TRIM47: variants seen among roughly 807,000 people sequenced by gnomAD.
The protein encoded by TRIM47 is E3 ubiquitin-protein ligase TRIM47.
TRIM47 carries 46 observed loss-of-function variants against 54.4 expected under a neutral mutation model. That is an observed-to-expected ratio of 0.84 (90% CI 0.67 to 1.08). The LOEUF (loss-of-function observed/expected upper bound fraction) is 1.08, where lower values mean the gene tolerates loss of function less well. Among genes scored for constraint, TRIM47 ranks in the 50% least tolerant of loss-of-function variants. The probability of loss-of-function intolerance (pLI) is 0.00; values close to 1 mark genes in which losing one functional copy is unlikely to be tolerated. For synonymous variants in TRIM47, 392 were observed against 410.2 expected, an observed-to-expected ratio of 0.96 and a Z score of 0.54; for missense variants, 825 against 910.1, an observed-to-expected ratio of 0.91 and a Z score of 1.20.
Position 75,874,227 on chromosome 17 carries a change from A to C in TRIM47, c.*256T>G. Reference sequence around the variant, plus strand: ...CAGACACTATTCTAGAAACCTGGGAAAGGAGGGGTTAGGGTAGCTTGGAGC... The same window carrying C: ...CAGACACTATTCTAGAAACCTGGGACAGGAGGGGTTAGGGTAGCTTGGAGC... On this transcript the variant is annotated 3_prime_UTR_variant, in exon 6 of 6. Transcript: ENST00000254816. The surrounding 1 kb of genome is among the most constrained non-coding windows in gnomAD (Gnocchi z 6.2). The C allele has an allele frequency of 2.7e-6, 1 of 375,518 alleles. No homozygotes were observed. 23.3% of individuals were successfully genotyped at this position (375,518 alleles called of 1,614,324 possible).
Position 75,876,337 on chromosome 17 carries a change from T to C in TRIM47, c.927A>G (p.Glu309=), listed in dbSNP as rs758168822. The change falls in exon 3 of 6, where the codon GAA becomes GAG. Residue 309 remains glutamate, a synonymous_variant. Transcript: ENST00000254816. ...GGGCTCGGCTCAGGCGGCTGCGCTG[T>C]TCCTCCTGTCGCCGCAGGTCACCCT... is the stretch of plus-strand genomic sequence containing the variant. ...RSQGDLRRQE[E]QRSRLSRARQ... The C allele has an allele frequency of 1.9e-6, 3 of 1,611,640 alleles. No individual in the cohort carries two copies. The highest frequency in any genetic ancestry group is 1.7e-6 in the Non-Finnish European group (2 of 1,179,964).
Position 75,878,284 on chromosome 17 carries a change from G to T in TRIM47, c.265C>A (p.Pro89Thr). 7.9e-6 allele frequency: 10 copies of T among 1,266,272 alleles called. No individual in the cohort carries two copies. Among genetic ancestry groups the T allele is most frequent in the African/African-American group, 3.1e-5 (2 of 64,436 alleles). The allele number at this position is 1,266,272 out of a possible 1,614,324, so 78.4% of individuals were successfully genotyped here. The change falls in exon 1 of 6, where the codon CCC (proline) becomes ACC (threonine). Residue 89 changes from proline (P) to threonine (T), a missense_variant. Transcript: ENST00000254816. ...LRQGSGPGSGPGPAPALAPEP... is the reference protein window; with the variant it reads ...LRQGSGPGSGTGPAPALAPEP... Reference sequence around the variant, plus strand: ...GGGGCCAGGGCAGGGGCCGGGCCGGGGCCGGACCCGGGGCCCGAGCCCTGG... The same window carrying T: ...GGGGCCAGGGCAGGGGCCGGGCCGGTGCCGGACCCGGGGCCCGAGCCCTGG...
rs374357476 is a variant in TRIM47, at chr17:75,875,423, G to A, written c.1253C>T (p.Ala418Val). The change falls in exon 5 of 6, where the codon GCT becomes GTT. Residue 418 changes from alanine (A) to valine (V), a missense_variant. Physicochemically the swap from Ala to Val is moderately conservative, Grantham distance 64. Transcript: ENST00000254816. The surrounding 1 kb of genome is among the most constrained non-coding windows in gnomAD (Gnocchi z 6.1). ...ACACTTGAGGAAATAGTCCCTGGGA[G>A]CTTCACTCTCCAAGAGGTTCGTACT... ...LESTNLLESE[A>V]PRDYFLKFAY... 1.9e-6 allele frequency: 3 copies of A among 1,613,984 alleles called. No homozygotes were observed. Among genetic ancestry groups the A allele is most frequent in the Non-Finnish European group, 2.5e-6 (3 of 1,180,010 alleles).
At position 75,875,310 on chromosome 17, in the gene TRIM47, TA is replaced by T; in HGVS notation, c.1276+89del. 6.7e-7 allele frequency: 1 copy of T among 1,487,288 alleles called. No individual in the cohort carries two copies. Among genetic ancestry groups the T allele is most frequent in the Non-Finnish European group, 9.3e-7 (1 of 1,070,434 alleles). 92.1% of individuals were successfully genotyped at this position (1,487,288 alleles called of 1,614,324 possible). A position where few individuals can be genotyped will look rare whatever the true frequency, so the allele number is the denominator to read the frequency against. On this transcript the variant is annotated intron_variant, in intron 5 of 5. Transcript: ENST00000254816. This position sits in a 1 kb window ranked among gnomAD's most constrained non-coding sequence, Gnocchi z 6.1. ...CCCCACAAACTGGGGAGAGGAATCC[TA>T]ACCCTTGTGTGCCAGGGCCCTGCTG...
At position 75,874,754 on chromosome 17, in the gene TRIM47, C is replaced by G. The variant is rs1343420032; in HGVS notation, c.1646G>C (p.Gly549Ala). 7 of 1,614,036 alleles carry G rather than the reference C, an allele frequency of 4.3e-6. No individual in the cohort carries two copies. The change falls in exon 6 of 6, where the codon GGG (glycine) becomes GCG (alanine). Residue 549 changes from glycine to alanine, a missense_variant. Coordinates refer to ENST00000254816, the MANE Select transcript of TRIM47 (RefSeq NM_033452.3). The surrounding 1 kb of genome is among the most constrained non-coding windows in gnomAD (Gnocchi z 6.2). ...PLPHPFSPTV[G>A]VCLEYADRAL... ...ACGGTCAGCGTATTCCAGGCAGACC[C>G]CAACCGTGGGCGAGAAGGGGTGGGG...
chr17:75,876,390 C>A lies in TRIM47; in HGVS notation c.874G>T (p.Gly292Trp), dbSNP rs752976622. 6.2e-7 allele frequency: 1 copy of A among 1,612,390 alleles called. No homozygotes were observed. The highest frequency in any genetic ancestry group is 1.7e-4 in the Middle Eastern group (1 of 6,060). Residue 292 changes from glycine (G) to tryptophan (W), a missense_variant, in exon 3 of 6, where the codon GGG (glycine) becomes TGG (tryptophan). Transcript: ENST00000254816. ...GAGCGGCCTAGCATGGCAGCTTCCC[C>A]CTCCTCGATGAAGCCCAGCACCTGG... ...QTQVLGFIEEGEAAMLGRSQG... is the reference protein window; with the variant it reads ...QTQVLGFIEEWEAAMLGRSQG...
At chr17:75,877,030 T>A (rs937625945) in intron 1 of TRIM47, 9 of 575,452 alleles carry the variant, frequency 1.6e-5, no homozygotes, top group East Asian at 1.1e-4. Context: ...GCAGGCTGAC[T>A]GGGTGTCTGC....
chr17:75,876,639 AG>A, intron 2 of TRIM47, 78 bp downstream of exon 2: 1 of 1,566,884 alleles, frequency 6.4e-7, no homozygotes, highest in Non-Finnish European at 8.7e-7. Flanking sequence ...GGGCCAGGTC[AG>A]GGGACACTTG....
Position 75,876,347 on chromosome 17 carries a change from C to G in TRIM47, c.917G>C (p.Arg306Pro), listed in dbSNP as rs944201073. Residue 306 changes from arginine (R) to proline (P), a missense_variant, in exon 3 of 6, where the codon CGA (arginine) becomes CCA (proline). Physicochemically the swap from Arg to Pro is moderately radical, Grantham distance 103 (BLOSUM62 -2). Coordinates refer to ENST00000254816, the MANE Select transcript of TRIM47 (RefSeq NM_033452.3). ...CAGGCGGCTGCGCTGTTCCTCCTGT[C>G]GCCGCAGGTCACCCTGGGAGCGGCC... ...MLGRSQGDLR[R>P]QEEQRSRLSR... The G allele has an allele frequency of 1.2e-6, 2 of 1,611,806 alleles. No individual in the cohort carries two copies. Among genetic ancestry groups the G allele is most frequent in the African/African-American group, 1.3e-5 (1 of 74,926 alleles).
In TRIM47 at chr17:75,874,342, T is replaced by G; in HGVS notation, c.*141A>C. 4 of 715,420 alleles carry G rather than the reference T, an allele frequency of 5.6e-6. No individual in the cohort carries two copies. Among genetic ancestry groups the G allele is most frequent in the Non-Finnish European group, 2.1e-6 (1 of 474,046 alleles). The allele number at this position is 715,420 out of a possible 1,614,324, so 44.3% of individuals were successfully genotyped here. On this transcript the variant is annotated 3_prime_UTR_variant, in exon 6 of 6. Coordinates refer to ENST00000254816, the MANE Select transcript of TRIM47 (RefSeq NM_033452.3). This position sits in a 1 kb window ranked among gnomAD's most constrained non-coding sequence, Gnocchi z 6.2. Reference sequence around the variant, plus strand: ...CCTGCCTGGGAGAGGGAAGGCTGAGTGTATAAAAAGGTGGAAGCCTCTAGA... The same window carrying G: ...CCTGCCTGGGAGAGGGAAGGCTGAGGGTATAAAAAGGTGGAAGCCTCTAGA...
In TRIM47 at chr17:75,874,710, C is replaced by T. The variant is rs1282575619; in HGVS notation, c.1690G>A (p.Val564Ile). Residue 564 changes from valine to isoleucine, a missense_variant, in exon 6 of 6, where the codon GTA (valine) becomes ATA (isoleucine). Coordinates refer to ENST00000254816, the MANE Select transcript of TRIM47 (RefSeq NM_033452.3). This position sits in a 1 kb window ranked among gnomAD's most constrained non-coding sequence, Gnocchi z 6.2. ...YADRALAFYA[V>I]RDGKMSLLRR... ...AGGAGGCTCATCTTGCCGTCCCGTA[C>T]AGCATAGAAGGCCAAGGCACGGTCA... 1 of 1,613,950 alleles carries T rather than the reference C, an allele frequency of 6.2e-7. No individual in the cohort carries two copies. The highest frequency in any genetic ancestry group is 1.3e-5 in the African/African-American group (1 of 75,056).
At position 75,876,473 on chromosome 17, in the gene TRIM47, C is replaced by G. The variant is rs374280134; in HGVS notation, c.791G>C (p.Arg264Pro). 6.2e-7 allele frequency: 1 copy of G among 1,606,946 alleles called. No homozygotes were observed. The highest frequency in any genetic ancestry group is 8.5e-7 in the Non-Finnish European group (1 of 1,178,764). ...ALIKSAAVAE[R>P]ERVSRLFADA... is the part of the protein sequence containing the mutation. ...TGCAAACAGCCGGCTCACCCTCTCC[C>G]GCTCTGCTACGGCTGCACTCTGCAC... The change falls in exon 3 of 6, where the codon CGG becomes CCG. Residue 264 changes from arginine to proline, a missense_variant. Physicochemically the swap from Arg to Pro is moderately radical, Grantham distance 103. Coordinates refer to ENST00000254816, the MANE Select transcript of TRIM47 (RefSeq NM_033452.3).
rs559583882 is a variant in TRIM47 at position 75,874,501 on chromosome 17, G to A, written c.1899C>T (p.Ser633=). 7 of 1,508,124 alleles carry A rather than the reference G, an allele frequency of 4.6e-6. No homozygotes were observed. The Admixed American group carries it at 6.9e-5, about 15-fold the overall frequency. 93.4% of individuals were successfully genotyped at this position (1,508,124 alleles called of 1,614,324 possible). ...QIGPLKKSCI[S]VLKRR Reference sequence around the variant, plus strand: ...CCCGGCATCACCTCCTCTTCAGCACGGATATGCAGGACTTCTTGAGGGGCC... The same window carrying A: ...CCCGGCATCACCTCCTCTTCAGCACAGATATGCAGGACTTCTTGAGGGGCC... Residue 633 remains serine (S), a synonymous_variant, in exon 6 of 6, where the codon TCC becomes TCT. Transcript: ENST00000254816. This position sits in a 1 kb window ranked among gnomAD's most constrained non-coding sequence, Gnocchi z 6.2.
At position 75,876,488 on chromosome 17, in the gene TRIM47, G is replaced by A. The variant is rs144258462; in HGVS notation, c.776C>T (p.Ala259Val). ...SRRTVALIKS[A>V]AVAERERVSR... is the part of the protein sequence containing the mutation. ...CACCCTCTCCCGCTCTGCTACGGCT[G>A]CACTCTGCACAGGACGACAGTAGAG... is the stretch of plus-strand genomic sequence containing the variant. Residue 259 changes from alanine (A) to valine (V), a missense_variant, in exon 3 of 6, where the codon GCA (alanine) becomes GTA (valine). Transcript: ENST00000254816. The A allele has an allele frequency of 1.4e-5, 23 of 1,601,164 alleles. No individual in the cohort carries two copies. Among genetic ancestry groups the A allele is most frequent in the Non-Finnish European group, 1.7e-5 (20 of 1,176,246 alleles).
Position 75,878,015 on chromosome 17 carries a change from C to T in TRIM47, c.534G>A (p.Glu178=), listed in dbSNP as rs1411649234. The part of the protein sequence containing the change: ...HRLVPPLRRL[E]ESLCPRHLRP... ...GTAGGTGGCGCGGGCACAGGCTCTC[C>T]TCTAGCCGGCGCAGCGGCGGCACCA... Residue 178 remains glutamate, a synonymous_variant, in exon 1 of 6, where the codon GAG becomes GAA. Transcript: ENST00000254816. 1.4e-6 allele frequency: 2 copies of T among 1,446,212 alleles called. No individual in the cohort carries two copies. Among genetic ancestry groups the T allele is most frequent in the South Asian group, 2.7e-5 (2 of 74,672 alleles). The allele number at this position is 1,446,212 out of a possible 1,614,324, so 89.6% of individuals were successfully genotyped here.
chr17:75,875,431 C>G lies in TRIM47; in HGVS notation c.1245G>C (p.Glu415Asp), dbSNP rs1438196261. 6.2e-7 allele frequency: 1 copy of G among 1,614,118 alleles called. No individual in the cohort carries two copies. Among genetic ancestry groups the G allele is most frequent in the South Asian group, 1.1e-5 (1 of 91,086 alleles). ...GGAAATAGTCCCTGGGAGCTTCACTCTCCAAGAGGTTCGTACTCTCGAGGT... is the reference window on the plus strand; with the variant it reads ...GGAAATAGTCCCTGGGAGCTTCACTGTCCAAGAGGTTCGTACTCTCGAGGT... The part of the protein sequence containing the change: ...PQDLESTNLL[E>D]SEAPRDYFLK... The change falls in exon 5 of 6, where the codon GAG becomes GAC. Residue 415 changes from glutamate to aspartate, a missense_variant. Coordinates refer to ENST00000254816, the MANE Select transcript of TRIM47 (RefSeq NM_033452.3). The surrounding 1 kb of genome is among the most constrained non-coding windows in gnomAD (Gnocchi z 6.1).
At position 75,878,388 on chromosome 17, in the gene TRIM47, C is replaced by G; in HGVS notation, c.161G>C (p.Cys54Ser). ...GAGGPGGAAR[C>S]PLCQEPFPDG... ...GGGGAAGGGCTCCTGGCACAGCGGG[C>G]AGCGGGCCGCGCCTCCGGGTCCGCC... Residue 54 changes from cysteine (C) to serine (S), a missense_variant, in exon 1 of 6, where the codon TGC becomes TCC. By Grantham distance (112) the Cys-to-Ser change is moderately radical (BLOSUM62 -1). Coordinates refer to ENST00000254816, the MANE Select transcript of TRIM47 (RefSeq NM_033452.3). 7.1e-7 allele frequency: 1 copy of G among 1,412,430 alleles called. No individual in the cohort carries two copies. The highest frequency in any genetic ancestry group is 9.3e-7 in the Non-Finnish European group (1 of 1,076,634). 87.5% of individuals were successfully genotyped at this position (1,412,430 alleles called of 1,614,324 possible). A position where few individuals can be genotyped will look rare whatever the true frequency, so the allele number is the denominator to read the frequency against.
rs1408520741 is a variant in TRIM47, at chr17:75,878,444, C to T, written c.105G>A (p.Ala35=). The change falls in exon 1 of 6, where the codon GCG becomes GCA. Residue 35 remains alanine, a synonymous_variant. Transcript: ENST00000254816. ...GHNFCLACLG[A]LWPHRGASGA... is the part of the protein sequence containing the mutation. ...CACTCGCGCCACGATGCGGCCAGAG[C>T]GCGCCCAGGCAGGCGAGACAGAAGT... is the stretch of plus-strand genomic sequence containing the variant. 2.8e-6 allele frequency: 4 copies of T among 1,427,262 alleles called. No individual in the cohort carries two copies. Among genetic ancestry groups the T allele is most frequent in the East Asian group, 3.0e-5 (1 of 33,114 alleles). The allele number at this position is 1,427,262 out of a possible 1,614,324, so 88.4% of individuals were successfully genotyped here.
chr17:75,878,391 C>A lies in TRIM47; in HGVS notation c.158G>T (p.Arg53Leu). The A allele has an allele frequency of 7.1e-7, 1 of 1,414,798 alleles. No individual in the cohort carries two copies. Among genetic ancestry groups the A allele is most frequent in the Non-Finnish European group, 9.3e-7 (1 of 1,077,790 alleles). The allele number at this position is 1,414,798 out of a possible 1,614,324, so 87.6% of individuals were successfully genotyped here. Reference protein sequence around the residue: ...SGAGGPGGAARCPLCQEPFPD... With the variant: ...SGAGGPGGAALCPLCQEPFPD... Reference sequence around the variant, plus strand: ...GAAGGGCTCCTGGCACAGCGGGCAGCGGGCCGCGCCTCCGGGTCCGCCGGC... The same window carrying A: ...GAAGGGCTCCTGGCACAGCGGGCAGAGGGCCGCGCCTCCGGGTCCGCCGGC... The change falls in exon 1 of 6, where the codon CGC (arginine) becomes CTC (leucine). Residue 53 changes from arginine to leucine, a missense_variant. Arg to Leu is a moderately radical substitution (Grantham distance 102). Coordinates refer to ENST00000254816, the MANE Select transcript of TRIM47 (RefSeq NM_033452.3).
Sources: gnomAD v4.1 joint callset for allele counts on GRCh38, gnomAD v4.1.1 for gene constraint, Gnocchi (gnomAD v3.1) non-coding constraint, MANE v1.5 for transcripts, NCBI Gene and HGNC (gene_info 2026-07-23, HGNC 2026-07-21) for gene names.